The following TMEM31 variants were observed in gnomAD, a reference collection of about 807,000 sequenced individuals.
TMEM31 encodes transmembrane protein 31.
Under a neutral mutation model 2.4 loss-of-function variants are expected in TMEM31, and 1 was observed. The ratio of observed to expected loss-of-function variants is 0.42; its 90% CI spans 0.15 to 1.97. The LOEUF is 1.97. Ranked by LOEUF, TMEM31 falls within the 30% of genes most tolerant of loss-of-function variation. TMEM31 has a pLI of 0.30. For synonymous variants in TMEM31, 47 were observed against 45.8 expected (o/e 1.03, Z -0.10); for missense variants, 119 against 121.3 (o/e 0.98, Z 0.09).
In TMEM31 at chrX:103,712,235, G is replaced by A; in HGVS notation, c.-23-1G>A. The A allele has an allele frequency of 8.5e-7, 1 of 1,172,324 alleles. No individual in the cohort carries two copies. The highest frequency in any genetic ancestry group is 1.2e-6 in the Non-Finnish European group (1 of 868,229). On this transcript the variant is annotated splice_acceptor_variant, in intron 1 of 2. Transcript: ENST00000319560. LOFTEE classifies it low-confidence loss of function (5UTR_SPLICE). Reference sequence around the variant, plus strand: ...ACAAGATTTCTTTTATATTTCCCCAGGTGATCACTTTACTGTAGAAGAAAT... The same window carrying A: ...ACAAGATTTCTTTTATATTTCCCCAAGTGATCACTTTACTGTAGAAGAAAT...
rs772161389 is a variant in TMEM31 at position 103,713,621 on chromosome X, A to T, written c.130A>T (p.Arg44Ter). ...TACTCCAGCAAGGCAGCGAACACAA[A>T]GAGCAGACACACAGCCATCCAGATG... ...QHTPARQRTQ[R>*]ADTQPSRCRL... The change falls in exon 3 of 3, where the codon AGA (arginine) becomes TGA (stop). Residue 44 changes from arginine to a stop codon, truncating the protein, a stop_gained. Coordinates refer to ENST00000319560, the MANE Select transcript of TMEM31 (RefSeq NM_182541.2). LOFTEE classifies it low-confidence loss of function (END_TRUNC). The T allele has an allele frequency of 3.2e-5, 39 of 1,212,251 alleles. No homozygotes were observed. The highest frequency in any genetic ancestry group is 4.1e-5 in the Non-Finnish European group (37 of 895,651).
intron 1 of TMEM31, among the ~76,000 whole-genome samples, chrX:103,711,393 A>C (rs188985287): frequency 1.8e-5 from 2 of 108,478 alleles, no homozygotes; most frequent in East Asian, 5.8e-4. Context: ...CTGACGCAGG[A>C]GAATGGCGTG....
chrX:103,710,950 C>G lies in TMEM31; in HGVS notation c.-150C>G, dbSNP rs1342832440. On this transcript the variant is annotated 5_prime_UTR_variant, in exon 1 of 3. Coordinates refer to ENST00000319560, the MANE Select transcript of TMEM31 (RefSeq NM_182541.2). ...CAGGAGTTCAGGAAAGGAGGTGGGA[C>G]TAGAGTCAACCTGGAATAGCTCTAC... 2.7e-5 allele frequency: 3 copies of G among 110,912 alleles called. No homozygotes were observed. The highest frequency in any genetic ancestry group is 9.9e-5 in the African/African-American group (3 of 30,327). 9.1% of individuals were successfully genotyped at this position (110,912 alleles called of 1,213,427 possible).
At position 103,712,360 on chromosome X, in the gene TMEM31, G is replaced by A. The variant is rs1370300143; in HGVS notation, c.102G>A (p.Gln34=). The change falls in exon 2 of 3, where the codon CAG becomes CAA. Residue 34 remains glutamine, a splice_region_variant and synonymous_variant. Coordinates refer to ENST00000319560, the MANE Select transcript of TMEM31 (RefSeq NM_182541.2). ...DQEEEIQQSE[Q]HTPARQRTQR... ...AAGAAGAAATCCAACAGTCAGAACA[G>A]GCAAGTGGTGGTTTCTCAATTCCAA... 3.3e-6 allele frequency: 4 copies of A among 1,194,483 alleles called. No individual in the cohort carries two copies. The East Asian group carries it at 1.2e-4, about 36-fold the overall frequency.
At position 103,711,022 on chromosome X, in the gene TMEM31, C is replaced by G. The variant is rs1191773656; in HGVS notation, c.-78C>G. On this transcript the variant is annotated 5_prime_UTR_variant, in exon 1 of 3. Coordinates refer to ENST00000319560, the MANE Select transcript of TMEM31 (RefSeq NM_182541.2). Reference sequence around the variant, plus strand: ...GTTGCTGGGACATCCATACAGGCAACTTAGCTGGTGAAAGGACTCTGGATT... The same window carrying G: ...GTTGCTGGGACATCCATACAGGCAAGTTAGCTGGTGAAAGGACTCTGGATT... The G allele has an allele frequency of 9.0e-6, 1 of 110,608 alleles. No homozygotes were observed. Among genetic ancestry groups the G allele is most frequent in the Non-Finnish European group, 1.9e-5 (1 of 52,944 alleles). The allele number at this position is 110,608 out of a possible 1,213,427, so 9.1% of individuals were successfully genotyped here. A position where few individuals can be genotyped will look rare whatever the true frequency, so the allele number is the denominator to read the frequency against.
At position 103,713,972 on chromosome X, in the gene TMEM31, A is replaced by G. The variant is rs746357408; in HGVS notation, c.481A>G (p.Ile161Val). The part of the protein sequence containing the change: ...LLVLLLLLFI[I>V]VFILIFF ...TGTACTTCTGCTTCTGCTTTTTATT[A>G]TTGTCTTCATTCTGATCTTCTTCTG... The change falls in exon 3 of 3, where the codon ATT becomes GTT. Residue 161 changes from isoleucine to valine, a missense_variant. Coordinates refer to ENST00000319560, the MANE Select transcript of TMEM31 (RefSeq NM_182541.2). The G allele has an allele frequency of 7.5e-6, 9 of 1,196,861 alleles. No homozygotes were observed. The South Asian group carries it at 1.6e-4, about 22-fold the overall frequency.
At chrX:103,713,283 C>A (rs992861800) in intron 2 of TMEM31, among the ~76,000 whole-genome samples, 4 of 111,433 alleles carry the variant, frequency 3.6e-5, no homozygotes, top group Middle Eastern at 9.3e-3. Flanking sequence ...AGAGACAGGG[C>A]TTCTCCATGT....
chrX:103,712,691 C>T (rs183512756), intron 2 of TMEM31, among the ~76,000 whole-genome samples: 1,736 of 111,366 alleles, frequency 0.016, 30 homozygotes, highest in African/African-American at 0.052. Flanking sequence ...ACCACCACAC[C>T]GGCTAATTTT....
Position 103,713,804 on chromosome X carries a change from T to C in TMEM31, c.313T>C (p.Phe105Leu). 8.3e-7 allele frequency: 1 copy of C among 1,211,730 alleles called. No homozygotes were observed. Among genetic ancestry groups the C allele is most frequent in the Non-Finnish European group, 1.1e-6 (1 of 895,516 alleles). Reference sequence around the variant, plus strand: ...ATTTCTTCTGGTGTTTAAAGAAGCCTTCCATGACATATCCCATTGTCTGAA... The same window carrying C: ...ATTTCTTCTGGTGTTTAAAGAAGCCCTCCATGACATATCCCATTGTCTGAA... ...PEFLLVFKEA[F>L]HDISHCLKAQ... The change falls in exon 3 of 3, where the codon TTC becomes CTC. Residue 105 changes from phenylalanine (F) to leucine (L), a missense_variant. Phe to Leu is a conservative substitution (Grantham distance 22). Coordinates refer to ENST00000319560, the MANE Select transcript of TMEM31 (RefSeq NM_182541.2).
At chrX:103,711,388 G>T (rs1350856887) in intron 1 of TMEM31, among the ~76,000 whole-genome samples, 1 of 108,760 alleles carries the variant, frequency 9.2e-6, no homozygotes, top group Non-Finnish European at 1.9e-5. Context: ...GGAGGCTGAC[G>T]CAGGAGAATG....
chrX:103,711,408 C>CG (rs984756864), intron 1 of TMEM31, among the ~76,000 whole-genome samples: 10 of 106,105 alleles, frequency 9.4e-5, no homozygotes, highest in Non-Finnish European at 1.9e-4. Flanking sequence ...GGCGTGAACC[C>CG]GGGAGGCGGA....
chrX:103,713,341 C>T (rs775917353), intron 2 of TMEM31, among the ~76,000 whole-genome samples: 6 of 111,274 alleles, frequency 5.4e-5, no homozygotes, highest in Non-Finnish European at 9.5e-5. Flanking sequence ...CCGCCCACCT[C>T]GGCCTCCCAA....
chrX:103,711,955 A>T (rs185639545), intron 1 of TMEM31, among the ~76,000 whole-genome samples: 2 of 111,954 alleles, frequency 1.8e-5, no homozygotes, highest in Non-Finnish European at 1.9e-5. Context: ...CCCAGAGGTC[A>T]TTATGCTCTT....
Position 103,713,981 on chromosome X carries a change from A to G in TMEM31, c.490A>G (p.Ile164Val). The G allele has an allele frequency of 8.4e-7, 1 of 1,191,751 alleles. No individual in the cohort carries two copies. Among genetic ancestry groups the G allele is most frequent in the Non-Finnish European group, 1.1e-6 (1 of 885,717 alleles). Residue 164 changes from isoleucine (I) to valine (V), a missense_variant, in exon 3 of 3, where the codon ATT (isoleucine) becomes GTT (valine). Physicochemically the swap from Ile to Val is conservative, Grantham distance 29. Coordinates refer to ENST00000319560, the MANE Select transcript of TMEM31 (RefSeq NM_182541.2). ...GCTTCTGCTTTTTATTATTGTCTTC[A>G]TTCTGATCTTCTTCTGATTCTTTTG... Reference protein sequence around the residue: ...LLLLLFIIVFILIFF With the variant: ...LLLLLFIIVFVLIFF
chrX:103,711,134 TGCAGGCAGATTTGTTCGACACA>T (rs1476408688), intron 1 of TMEM31, 58 bp downstream of exon 1: 1 of 110,601 alleles, frequency 9.0e-6, no homozygotes, highest in African/African-American at 3.3e-5. Context: ...TCTTGGTACC[TGCAGGCAGATTTGTTCGACACA>T]GCTAAAGAGG....
chrX:103,713,182 C>T (rs769375457), intron 2 of TMEM31, among the ~76,000 whole-genome samples: 1 of 110,281 alleles, frequency 9.1e-6, no homozygotes, highest in Non-Finnish European at 1.9e-5. Context: ...ACTCCGCCTC[C>T]TGGGTTCAAG....
Position 103,712,287 on chromosome X carries a change from A to G in TMEM31, c.29A>G (p.Glu10Gly). Residue 10 changes from glutamate to glycine, a missense_variant, in exon 2 of 3, where the codon GAA (glutamate) becomes GGA (glycine). By Grantham distance (98) the Glu-to-Gly change is moderately conservative. Coordinates refer to ENST00000319560, the MANE Select transcript of TMEM31 (RefSeq NM_182541.2). The stretch of plus-strand genomic sequence containing the variant: ...AGGTTAACAGAAAAGAGTGAGGGAG[A>G]ACAACAACTCAAGCCCAACAACTCT... MRLTEKSEG[E>G]QQLKPNNSNA... The G allele has an allele frequency of 1.7e-6, 2 of 1,210,308 alleles. No homozygotes were observed. Among genetic ancestry groups the G allele is most frequent in the Non-Finnish European group, 2.2e-6 (2 of 894,849 alleles).
intron 2 of TMEM31, 150 bp from the exon 3 acceptor site, chrX:103,713,444 G>T: frequency 4.5e-6 from 5 of 1,101,684 alleles, no homozygotes; most frequent in Non-Finnish European, 6.2e-6. Context: ...GGTGGGTCTT[G>T]GTTTGTGGGG....
rs201957890 is a variant in TMEM31 at position 103,713,708 on chromosome X, G to C, written c.217G>C (p.Val73Leu). The C allele has an allele frequency of 8.3e-7, 1 of 1,210,139 alleles. No individual in the cohort carries two copies. Among genetic ancestry groups the C allele is most frequent in the East Asian group, 3.0e-5 (1 of 33,752 alleles). Residue 73 changes from valine to leucine, a missense_variant, in exon 3 of 3, where the codon GTC (valine) becomes CTC (leucine). Coordinates refer to ENST00000319560, the MANE Select transcript of TMEM31 (RefSeq NM_182541.2). ...CGACAGAACGATCAACCTTCTTGAAGTCCTTCCGTGGCCTACTGAGTGGAT... is the reference window on the plus strand; with the variant it reads ...CGACAGAACGATCAACCTTCTTGAACTCCTTCCGTGGCCTACTGAGTGGAT... The part of the protein sequence containing the change: ...SSDRTINLLE[V>L]LPWPTEWIFN...
Sources: allele counts gnomAD v4.1 joint callset (sites outside exome capture counted in the v4.1 genomes callset), GRCh38; gene constraint gnomAD v4.1.1; transcripts MANE v1.5; gene names NCBI Gene and HGNC (gene_info 2026-07-23, HGNC 2026-07-21).